CPD: variants seen among roughly 807,000 people sequenced by gnomAD.
The protein encoded by CPD is carboxypeptidase D.
CPD carries 69 observed loss-of-function variants against 138.3 expected under a neutral mutation model. The ratio of observed to expected loss-of-function variants is 0.50; its 90% CI spans 0.41 to 0.61. The LOEUF is 0.61. Among genes scored for constraint, CPD ranks in the 20% least tolerant of loss-of-function variants. The pLI is 0.00. For synonymous variants in CPD, 651 were observed against 642.1 expected (o/e 1.01, Z -0.21); for missense variants, 1,432 against 1,733.3 (o/e 0.83, Z 3.09).
rs552430114 is a variant in CPD at position 30,461,491 on chromosome 17, T to C, written c.3630+180T>C. On this transcript the variant is annotated intron_variant, in intron 18 of 20. Coordinates refer to ENST00000225719, the MANE Select transcript of CPD (RefSeq NM_001304.5). ...GCCATTTATTCACATCTCTGGAATC[T>C]GCTATAATTTAGGTAATTTGACCTT... Among the ~76,000 whole-genome samples the C allele has an allele frequency of 1.3e-4, 20 of 152,346 alleles. No individual in the cohort carries two copies. In the East Asian group the frequency reaches 3.9e-3, roughly 29 times the overall value.
chr17:30,402,585 A>G (rs1482946571), intron 2 of CPD, among the ~76,000 whole-genome samples: 1 of 152,212 alleles, frequency 6.6e-6, no homozygotes, highest in East Asian at 1.9e-4. Flanking sequence ...AAACCAAAAC[A>G]AAACGAAAAC....
chr17:30,459,578 G>A (rs1165061142), intron 17 of CPD, among the ~76,000 whole-genome samples: 1 of 152,126 alleles, frequency 6.6e-6, no homozygotes, highest in Non-Finnish European at 1.5e-5. Flanking sequence ...TTGTAAAATT[G>A]GAACGTGTGA....
chr17:30,391,992 T>A (rs943002575), intron 2 of CPD, among the ~76,000 whole-genome samples: 2 of 152,116 alleles, frequency 1.3e-5, no homozygotes, highest in African/African-American at 4.8e-5. Flanking sequence ...ACATAGTTAT[T>A]TGATCTTTGG....
chr17:30,423,529 G>A lies in CPD; in HGVS notation c.1681G>A (p.Gly561Arg). Residue 561 changes from glycine (G) to arginine (R), a missense_variant, in exon 6 of 21, where the codon GGA (glycine) becomes AGA (arginine). Physicochemically the swap from Gly to Arg is moderately radical, Grantham distance 125. This residue lies in a region of CPD where 297 missense variants were observed against 405.3 expected (regional missense o/e 0.73). Coordinates refer to ENST00000225719, the MANE Select transcript of CPD (RefSeq NM_001304.5). Reference sequence around the variant, plus strand: ...AGGTGAACCAGAATTTAAGTACATTGGAAATATGCATGGAAATGAAGTGGT... The same window carrying A: ...AGGTGAACCAGAATTTAAGTACATTAGAAATATGCATGGAAATGAAGTGGT... ...EPGEPEFKYI[G>R]NMHGNEVVGR... The A allele has an allele frequency of 1.3e-6, 2 of 1,583,502 alleles. No homozygotes were observed. Among genetic ancestry groups the A allele is most frequent in the Non-Finnish European group, 1.7e-6 (2 of 1,167,370 alleles).
At chr17:30,395,178 T>TAGTTTAGATTTGGTCCAG in intron 2 of CPD, among the ~76,000 whole-genome samples, 1 of 149,796 alleles carries the variant, frequency 6.7e-6, no homozygotes, top group East Asian at 2.0e-4. Context: ...AACATATATA[T>TAGTTTAGATTTGGTCCAG]AAATGAACAG....
intron 2 of CPD, among the ~76,000 whole-genome samples, chr17:30,389,171 G>C (rs1386289751): frequency 6.6e-6 from 1 of 152,188 alleles, no homozygotes; most frequent in Non-Finnish European, 1.5e-5. Flanking sequence ...GCAGCGGGCT[G>C]TGGGGGGTGG....
At chr17:30,404,929 G>C (rs1911766921) in intron 2 of CPD, among the ~76,000 whole-genome samples, 1 of 152,058 alleles carries the variant, frequency 6.6e-6, no homozygotes, top group African/African-American at 2.4e-5. Flanking sequence ...CATTCTGAGA[G>C]AGTAAAAACA....
intron 7 of CPD, among the ~76,000 whole-genome samples, chr17:30,427,916 G>A (rs1433117085): frequency 4.8e-5 from 6 of 126,196 alleles, no homozygotes; most frequent in African/African-American, 1.2e-4. Flanking sequence ...CTTCTCCCCC[G>A]CCTGTCCCCC....
At chr17:30,451,179 A>G (rs1261987070) in intron 13 of CPD, among the ~76,000 whole-genome samples, 1 of 152,214 alleles carries the variant, frequency 6.6e-6, no homozygotes, top group Non-Finnish European at 1.5e-5. Flanking sequence ...ACGTATGTCT[A>G]CTTTGAAGCC....
At chr17:30,389,384 T>A (rs1285213545) in intron 2 of CPD, among the ~76,000 whole-genome samples, 8 of 152,202 alleles carry the variant, frequency 5.3e-5, no homozygotes, top group Non-Finnish European at 1.0e-4. Flanking sequence ...TCATTAAAAA[T>A]TTTTTTGTAG....
intron 2 of CPD, among the ~76,000 whole-genome samples, chr17:30,402,248 T>C (rs1431219988): frequency 6.6e-6 from 1 of 152,134 alleles, no homozygotes; most frequent in Non-Finnish European, 1.5e-5. Flanking sequence ...GTATCTTTCT[T>C]TTACTTTAAG....
At chr17:30,456,582 G>T in intron 17 of CPD, 56 bp downstream of exon 17, 1 of 1,557,948 alleles carries the variant, frequency 6.4e-7, no homozygotes, top group Non-Finnish European at 8.9e-7. Flanking sequence ...AATGCCGTAT[G>T]TGTAAACCCA....
chr17:30,461,713 G>T (rs988797900), intron 18 of CPD, among the ~76,000 whole-genome samples, 164 bp from the exon 19 acceptor site: 1 of 152,176 alleles, frequency 6.6e-6, no homozygotes, highest in African/African-American at 2.4e-5. Context: ...CAGAGTCAGT[G>T]GGGAGGGAAG....
At position 30,378,938 on chromosome 17, in the gene CPD, T is replaced by G. The variant is rs747535240; in HGVS notation, c.-43T>G. 15 of 1,415,534 alleles carry G rather than the reference T, an allele frequency of 1.1e-5. No individual in the cohort carries two copies. The highest frequency in any genetic ancestry group is 1.3e-5 in the Non-Finnish European group (14 of 1,098,636). 87.7% of individuals were successfully genotyped at this position (1,415,534 alleles called of 1,614,324 possible). On this transcript the variant is annotated 5_prime_UTR_variant, in exon 1 of 21. Transcript: ENST00000225719. ...GGCGGGCCCCCGCCGCCCGGAGCGC[T>G]GAGCCGCGGGAGCGGAGCCGGGGTT...
chr17:30,439,394 C>CTTTTTTTTTTTT (rs71138889), intron 9 of CPD, among the ~76,000 whole-genome samples: 227 of 124,366 alleles, frequency 1.8e-3, no homozygotes, highest in East Asian at 2.4e-3. Context: ...ACGTTACTTT[C>CTTTTTTTTTTTT]TTTTTTTTTT....
rs986345125 is a variant in CPD, at chr17:30,465,868, A to G, written c.*1054A>G. On this transcript the variant is annotated 3_prime_UTR_variant, in exon 21 of 21. Coordinates refer to ENST00000225719, the MANE Select transcript of CPD (RefSeq NM_001304.5). ...AGCCTATACCCTGTAATAGCATACT[A>G]TTATTGAAATCGCTTGACCGGTCTT... is the stretch of plus-strand genomic sequence containing the variant. The G allele has an allele frequency of 6.6e-6, 1 of 152,618 alleles. No individual in the cohort carries two copies. The highest frequency in any genetic ancestry group is 1.5e-5 in the Non-Finnish European group (1 of 68,022). The allele number at this position is 152,618 out of a possible 1,614,324, so 9.5% of individuals were successfully genotyped here. A position where few individuals can be genotyped will look rare whatever the true frequency, so the allele number is the denominator to read the frequency against.
intron 9 of CPD, 54 bp from the exon 10 acceptor site, chr17:30,442,254 T>C: frequency 6.5e-7 from 1 of 1,548,914 alleles, no homozygotes; most frequent in Non-Finnish European, 8.8e-7. Context: ...CCTTTTGGGA[T>C]CTGAGCTGTT....
chr17:30,386,478 C>G (rs1911190465), intron 2 of CPD, among the ~76,000 whole-genome samples: 1 of 151,890 alleles, frequency 6.6e-6, no homozygotes, highest in South Asian at 2.1e-4. Flanking sequence ...ACTGTTTAAA[C>G]ATTTTTAAGT....
In CPD at chr17:30,422,850, C is replaced by T. The variant is rs1240979572; in HGVS notation, c.1484C>T (p.Pro495Leu). The T allele has an allele frequency of 1.2e-6, 2 of 1,613,954 alleles. No homozygotes were observed. The highest frequency in any genetic ancestry group is 2.7e-5 in the African/African-American group (2 of 74,902). ...ILSGTSSSYQ[P>L]IQPKDFHHHH... ...TCTGGAACATCATCCTCCTACCAGC[C>T]AATTCAGCCAAAGGACTTTCACCAC... is the stretch of plus-strand genomic sequence containing the variant. The change falls in exon 5 of 21, where the codon CCA becomes CTA. Residue 495 changes from proline to leucine, a missense_variant. Physicochemically the swap from Pro to Leu is moderately conservative, Grantham distance 98. Around this residue, in one of 6 missense-constraint regions of CPD, gnomAD observed 160 missense variants for 197.9 expected, o/e 0.81. Transcript: ENST00000225719.
Sources: gnomAD v4.1 joint callset for allele counts (sites outside exome capture counted in the v4.1 genomes callset) on GRCh38, gnomAD v4.1.1 for gene constraint, gnomAD v4.1.1 regional missense constraint, MANE v1.5 for transcripts, NCBI Gene and HGNC (gene_info 2026-07-23, HGNC 2026-07-21) for gene names.